Variants in EEPD1 observed in about 807,000 individuals in gnomAD.
The protein encoded by EEPD1 is endonuclease/exonuclease/phosphatase family domain containing 1, also known as endonuclease/exonuclease/phosphatase family domain-containing protein 1.
EEPD1 carries 17 observed loss-of-function variants against 46.3 expected under a neutral mutation model. That is an observed-to-expected ratio of 0.37 (90% CI 0.25 to 0.55). The LOEUF (loss-of-function observed/expected upper bound fraction) is 0.55, where lower values mean the gene tolerates loss of function less well. EEPD1 is among the 20% of genes least tolerant of loss of function. The pLI is 0.83. For synonymous variants in EEPD1, 313 were observed against 315.6 expected, an observed-to-expected ratio of 0.99 and a Z score of 0.09; for missense variants, 673 against 745.6, an observed-to-expected ratio of 0.90 and a Z score of 1.13.
At chr7:36,212,851 C>G (rs565964698) in intron 2 of EEPD1, among the ~76,000 whole-genome samples, 1 of 152,072 alleles carries the variant, frequency 6.6e-6, no homozygotes, top group African/African-American at 2.4e-5. Context: ...CAAAAGTATA[C>G]CTTAAGAAAG....
intron 2 of EEPD1, among the ~76,000 whole-genome samples, chr7:36,160,981 T>C (rs1207382854): frequency 6.6e-6 from 1 of 152,144 alleles, no homozygotes; most frequent in Non-Finnish European, 1.5e-5. Context: ...ACCTTACCCT[T>C]CCCCTCAGCC....
At chr7:36,200,372 A>G (rs561536950) in intron 2 of EEPD1, among the ~76,000 whole-genome samples, 7 of 152,278 alleles carry the variant, frequency 4.6e-5, no homozygotes, top group Non-Finnish European at 1.0e-4. Context: ...TCTTTATTCA[A>G]TCTGCCATTG....
intron 3 of EEPD1, among the ~76,000 whole-genome samples, chr7:36,249,453 T>A (rs1337218977): frequency 6.6e-6 from 1 of 152,000 alleles, no homozygotes; most frequent in African/African-American, 2.4e-5. Flanking sequence ...AATGGAGAAA[T>A]AATAAACACG....
At chr7:36,284,588 G>C in intron 4 of EEPD1, 98 bp from the exon 5 acceptor site, 1 of 1,444,148 alleles carries the variant, frequency 6.9e-7, no homozygotes, top group Non-Finnish European at 9.3e-7. Flanking sequence ...AGCCAGAGTA[G>C]GGCCTACTGC....
chr7:36,253,632 A>G (rs541672243), intron 3 of EEPD1, among the ~76,000 whole-genome samples: 1 of 152,050 alleles, frequency 6.6e-6, no homozygotes, highest in Non-Finnish European at 1.5e-5. Context: ...TATTAGCTAC[A>G]CATATATTTA....
Position 36,154,275 on chromosome 7 carries a change from A to C in EEPD1, c.-50A>C. On this transcript the variant is annotated 5_prime_UTR_variant, in exon 2 of 8. Coordinates refer to ENST00000242108, the MANE Select transcript of EEPD1 (RefSeq NM_030636.3). The surrounding 1 kb of genome is among the most constrained non-coding windows in gnomAD (Gnocchi z 4.2). The stretch of plus-strand genomic sequence containing the variant: ...TACTGGGCTTCCTCCCTAGCCAGAG[A>C]GCTCTTCTGCAGTGGTGCGGCCTTC... 6.4e-7 allele frequency: 1 copy of C among 1,554,856 alleles called. No individual in the cohort carries two copies. Among genetic ancestry groups the C allele is most frequent in the Admixed American group, 1.9e-5 (1 of 54,036 alleles).
chr7:36,245,689 C>T (rs566096175), intron 3 of EEPD1, among the ~76,000 whole-genome samples: 1 of 152,308 alleles, frequency 6.6e-6, no homozygotes, highest in South Asian at 2.1e-4. Context: ...CAACCAATTT[C>T]TTCTTTTGAA....
At chr7:36,205,948 G>A (rs1341490178) in intron 2 of EEPD1, among the ~76,000 whole-genome samples, 1 of 152,176 alleles carries the variant, frequency 6.6e-6, no homozygotes, top group Non-Finnish European at 1.5e-5. Context: ...AGTACAATGA[G>A]CTCAGGCTGC....
At chr7:36,254,382 T>G (rs1215513496) in intron 3 of EEPD1, among the ~76,000 whole-genome samples, 2 of 152,170 alleles carry the variant, frequency 1.3e-5, no homozygotes, top group Non-Finnish European at 2.9e-5. Flanking sequence ...TGCAGTGTTT[T>G]GTTTTCTGTT....
intron 2 of EEPD1, among the ~76,000 whole-genome samples, chr7:36,197,676 G>A (rs893733938): frequency 3.9e-5 from 6 of 152,078 alleles, no homozygotes; most frequent in Admixed American, 2.0e-4. Context: ...GATTAAGGGC[G>A]GTGCAAGATG....
intron 3 of EEPD1, among the ~76,000 whole-genome samples, chr7:36,268,504 A>G (rs1044210716): frequency 6.6e-6 from 1 of 152,088 alleles, no homozygotes; most frequent in Non-Finnish European, 1.5e-5. Context: ...CATTCTCCTC[A>G]CCAGAGAATG....
chr7:36,211,666 C>T (rs1328767362), intron 2 of EEPD1, among the ~76,000 whole-genome samples: 4 of 151,986 alleles, frequency 2.6e-5, no homozygotes, highest in East Asian at 1.9e-4. Flanking sequence ...GGCTCACACC[C>T]GTAATCCCAG....
intron 2 of EEPD1, among the ~76,000 whole-genome samples, chr7:36,237,236 G>T (rs556797868): frequency 6.6e-6 from 1 of 152,244 alleles, no homozygotes; most frequent in South Asian, 2.1e-4. Context: ...ACAAACTCCG[G>T]ACACACCATC....
Position 36,287,236 on chromosome 7 carries a change from C to CAAAAAAA in EEPD1, c.1177-382_1177-376dup, listed in dbSNP as rs377318198. Among the ~76,000 whole-genome samples the CAAAAAAA allele has an allele frequency of 2.6e-4, 11 of 42,204 alleles. 4 individuals carry two copies. Among genetic ancestry groups the CAAAAAAA allele is most frequent in the African/African-American group, 4.7e-4 (4 of 8,602 alleles). 27.7% of individuals were successfully genotyped at this position (42,204 alleles called of 152,430 possible). ...TGGGTGACAGAGTGAGACTCCTTCT[C>CAAAAAAA]AAAAAAAAAAAAAAAAAAAAAAAAA... On this transcript the variant is annotated intron_variant, in intron 5 of 7. Coordinates refer to ENST00000242108, the MANE Select transcript of EEPD1 (RefSeq NM_030636.3).
chr7:36,286,140 A>G (rs1367429203), intron 5 of EEPD1, among the ~76,000 whole-genome samples: 1 of 152,222 alleles, frequency 6.6e-6, no homozygotes, highest in Admixed American at 6.5e-5. Flanking sequence ...TATTACCACA[A>G]CGCAGGCTGT....
intron 2 of EEPD1, among the ~76,000 whole-genome samples, chr7:36,181,050 A>G (rs1235472030): frequency 6.6e-6 from 1 of 152,126 alleles, no homozygotes; most frequent in Non-Finnish European, 1.5e-5. Context: ...AGCTTCCCCA[A>G]GACCTGCTAG....
chr7:36,213,691 CTTTCCT>C (rs1249855173), intron 2 of EEPD1, among the ~76,000 whole-genome samples: 2 of 152,158 alleles, frequency 1.3e-5, no homozygotes, highest in African/African-American at 4.8e-5. Context: ...CTCACAAGAC[CTTTCCT>C]GCCCACAGCC....
At chr7:36,227,740 A>G (rs978827666) in intron 2 of EEPD1, among the ~76,000 whole-genome samples, 2 of 151,926 alleles carry the variant, frequency 1.3e-5, no homozygotes, top group African/African-American at 4.8e-5. Flanking sequence ...CCCAGGCTGG[A>G]GTGCAGATGC....
At chr7:36,189,102 C>G (rs574356254) in intron 2 of EEPD1, among the ~76,000 whole-genome samples, 81 of 152,254 alleles carry the variant, frequency 5.3e-4, no homozygotes, top group African/African-American at 1.9e-3. Context: ...GTCAGGGCTC[C>G]CACAGTTGGT....
Sources: gnomAD v4.1 joint callset for allele counts (sites outside exome capture counted in the v4.1 genomes callset) on GRCh38, gnomAD v4.1.1 for gene constraint, Gnocchi (gnomAD v3.1) non-coding constraint, MANE v1.5 for transcripts, NCBI Gene and HGNC (gene_info 2026-07-23, HGNC 2026-07-21) for gene names.